Variants in NAALADL2 observed in about 807,000 individuals in gnomAD.
The protein encoded by NAALADL2 is N-acetylated alpha-linked acidic dipeptidase like 2, also known as inactive N-acetylated-alpha-linked acidic dipeptidase-like protein 2.
A neutral mutation model predicts 87.2 loss-of-function variants in NAALADL2; 76 were observed. The observed-to-expected ratio is 0.87, with a 90% CI of 0.72 to 1.05. The LOEUF (loss-of-function observed/expected upper bound fraction) is 1.05. Ranked by LOEUF, NAALADL2 falls within the 50% of genes least tolerant of loss-of-function variation. The pLI is 0.00. For missense variants in NAALADL2, 1,089 were observed against 945.8 expected, an observed-to-expected ratio of 1.15 and a Z score of -1.99; for synonymous variants, 354 against 331.0, an observed-to-expected ratio of 1.07 and a Z score of -0.75.
At chr3:174,729,548 ATT>A (rs1325550109) in intron 2 of NAALADL2, among the ~76,000 whole-genome samples, 1 of 152,070 alleles carries the variant, frequency 6.6e-6, no homozygotes, top group East Asian at 1.9e-4. Flanking sequence ...TTATTCATTC[ATT>A]TAGTATTTAT....
At chr3:174,961,224 T>G (rs986052927) in intron 1 of NAALADL2, among the ~76,000 whole-genome samples, 4 of 151,184 alleles carry the variant, frequency 2.6e-5, no homozygotes, top group African/African-American at 7.3e-5. Context: ...CTTCAAGTGA[T>G]CCTCCCACCT....
chr3:175,504,206 G>T (rs534014687), intron 9 of NAALADL2, among the ~76,000 whole-genome samples: 10 of 152,120 alleles, frequency 6.6e-5, no homozygotes, highest in Non-Finnish European at 1.2e-4. Flanking sequence ...CTTTTGTTGA[G>T]TTTGTCAAAG....
intron 2 of NAALADL2, among the ~76,000 whole-genome samples, chr3:174,582,853 G>T (rs1716322229): frequency 6.6e-6 from 1 of 152,090 alleles, no homozygotes; most frequent in South Asian, 2.1e-4. Flanking sequence ...CAAAGTGCTG[G>T]AATTATAGGC....
intron 2 of NAALADL2, among the ~76,000 whole-genome samples, chr3:175,197,069 A>C (rs1023255833): frequency 4.6e-5 from 7 of 152,020 alleles, no homozygotes; most frequent in Admixed American, 6.6e-5. Flanking sequence ...AAGTGCTCAC[A>C]CAGAGATGAG....
intron 5 of NAALADL2, among the ~76,000 whole-genome samples, chr3:175,378,954 C>T (rs1449619806): frequency 6.6e-6 from 1 of 152,110 alleles, no homozygotes; most frequent in Admixed American, 6.5e-5. Flanking sequence ...AACATGTCCA[C>T]ATTATTTGGC....
intron 2 of NAALADL2, among the ~76,000 whole-genome samples, chr3:174,713,396 T>C (rs1730872259): frequency 6.6e-6 from 1 of 152,204 alleles, no homozygotes; most frequent in African/African-American, 2.4e-5. Context: ...TCCACAACGG[T>C]TGAACTAGTT....
chr3:174,932,391 A>C (rs1449778845), intron 1 of NAALADL2, among the ~76,000 whole-genome samples: 1 of 152,196 alleles, frequency 6.6e-6, no homozygotes, highest in South Asian at 2.1e-4. Context: ...CCATACTTCC[A>C]AATATTAGCT....
upstream of NAALADL2, among the ~76,000 whole-genome samples, chr3:174,855,860 G>A (rs1308993997): frequency 6.9e-6 from 1 of 145,520 alleles, no homozygotes; most frequent in Non-Finnish European, 1.5e-5. Flanking sequence ...GTATATATGT[G>A]TATATATGTA....
At chr3:174,591,811 G>A (rs764330985) in intron 2 of NAALADL2, among the ~76,000 whole-genome samples, 1 of 151,944 alleles carries the variant, frequency 6.6e-6, no homozygotes, top group Non-Finnish European at 1.5e-5. Context: ...TTTTGTTTTT[G>A]TTTATTTAGT....
At chr3:174,870,638 A>G (rs1040669557) in intron 1 of NAALADL2, among the ~76,000 whole-genome samples, 3 of 152,128 alleles carry the variant, frequency 2.0e-5, no homozygotes, top group Non-Finnish European at 4.4e-5. Flanking sequence ...ACGAAGGGAC[A>G]GAGCTAGGAT....
At chr3:175,053,368 C>T (rs894053621) in intron 1 of NAALADL2, among the ~76,000 whole-genome samples, 1 of 152,152 alleles carries the variant, frequency 6.6e-6, no homozygotes, top group Non-Finnish European at 1.5e-5. Context: ...CTCAGGTTTT[C>T]TTCCGCCATC....
At chr3:174,686,062 T>C (rs1438714883) in intron 2 of NAALADL2, among the ~76,000 whole-genome samples, 1 of 152,138 alleles carries the variant, frequency 6.6e-6, no homozygotes, top group Non-Finnish European at 1.5e-5. Flanking sequence ...CTTTATCCCG[T>C]CTGTCATTGA....
intron 1 of NAALADL2, among the ~76,000 whole-genome samples, chr3:174,939,366 G>T (rs1738225817): frequency 6.6e-6 from 1 of 151,920 alleles, no homozygotes; most frequent in African/African-American, 2.4e-5. Context: ...ATTGGTCCAT[G>T]TGCCTATTTT....
intron 5 of NAALADL2, among the ~76,000 whole-genome samples, chr3:175,398,938 A>G (rs1770190994): frequency 6.6e-6 from 1 of 152,048 alleles, no homozygotes; most frequent in Non-Finnish European, 1.5e-5. Context: ...GTTTATTAAG[A>G]AAGTAAAATG....
intron 3 of NAALADL2, among the ~76,000 whole-genome samples, chr3:175,248,910 G>A (rs1748504909): frequency 6.6e-6 from 1 of 151,998 alleles, no homozygotes; most frequent in Non-Finnish European, 1.5e-5. Flanking sequence ...GAATAATATA[G>A]CTGTCTGACA....
intron 11 of NAALADL2, among the ~76,000 whole-genome samples, chr3:175,643,990 C>T (rs1186642167): frequency 6.6e-6 from 1 of 152,038 alleles, no homozygotes; most frequent in Non-Finnish European, 1.5e-5. Context: ...TTTTTCCAGT[C>T]TGATATGTGT....
At chr3:174,607,803 T>G (rs146268481) in intron 2 of NAALADL2, among the ~76,000 whole-genome samples, 53,872 of 151,584 alleles carry the variant, frequency 0.36, 10,692 homozygotes, top group Non-Finnish European at 0.46. Context: ...ACTCAGCTCT[T>G]CACCAAGTGG....
At chr3:175,251,591 G>A (rs562611086) in intron 3 of NAALADL2, among the ~76,000 whole-genome samples, 2 of 152,304 alleles carry the variant, frequency 1.3e-5, no homozygotes, top group South Asian at 2.1e-4. Context: ...AACTAGTTGA[G>A]TGAACAGTTT....
At chr3:174,593,859 G>C (rs1038813698) in intron 2 of NAALADL2, among the ~76,000 whole-genome samples, 4 of 152,132 alleles carry the variant, frequency 2.6e-5, no homozygotes, top group Non-Finnish European at 5.9e-5. Context: ...GAAGAGTAAT[G>C]ATGGGTAAGC....
Sources: allele counts gnomAD v4.1 joint callset (sites outside exome capture counted in the v4.1 genomes callset), GRCh38; gene constraint gnomAD v4.1.1; transcripts MANE v1.5; gene names NCBI Gene and HGNC (gene_info 2026-07-23, HGNC 2026-07-21).